Variants in TIAM1 observed in about 807,000 individuals in gnomAD.
TIAM1 encodes the protein rho guanine nucleotide exchange factor TIAM1.
TIAM1 carries 65 observed loss-of-function variants against 163.5 expected under a neutral mutation model. The observed-to-expected ratio is 0.40, with a 90% CI of 0.33 to 0.49. The LOEUF (loss-of-function observed/expected upper bound fraction) is 0.49. TIAM1 is among the 20% of genes least tolerant of loss of function. The probability of loss-of-function intolerance (pLI) is 0.77; values close to 1 mark genes in which losing one functional copy is unlikely to be tolerated. For synonymous variants in TIAM1, 833 were observed against 810.1 expected, an observed-to-expected ratio of 1.03 and a Z score of -0.48; for missense variants, 1,789 against 2,044.7, an observed-to-expected ratio of 0.87 and a Z score of 2.41.
At chr21:31,237,751 C>T in intron 6 of TIAM1, among the ~76,000 whole-genome samples, 1 of 152,032 alleles carries the variant, frequency 6.6e-6, no homozygotes, top group Non-Finnish European at 1.5e-5. Context: ...TTCTTATTTG[C>T]CTGGTAGCTG....
At chr21:31,294,354 A>G (rs533979432) in intron 2 of TIAM1, among the ~76,000 whole-genome samples, 3 of 152,304 alleles carry the variant, frequency 2.0e-5, no homozygotes, top group Admixed American at 2.0e-4. Flanking sequence ...TTCTGAAAAT[A>G]CCCATCTAGA....
At chr21:31,256,804 TA>T (rs1254980473) in intron 4 of TIAM1, among the ~76,000 whole-genome samples, 1 of 152,194 alleles carries the variant, frequency 6.6e-6, no homozygotes, top group Non-Finnish European at 1.5e-5. Context: ...AGACACTGTA[TA>T]AGACACTGTG....
chr21:31,493,468 C>A (rs1325528992), intron 1 of TIAM1, among the ~76,000 whole-genome samples: 4 of 152,166 alleles, frequency 2.6e-5, no homozygotes, highest in Admixed American at 2.6e-4. Flanking sequence ...ATTAGGTAGA[C>A]TGGCATTTTC....
intron 12 of TIAM1, 110 bp downstream of exon 12, chr21:31,202,798 C>T: frequency 9.8e-7 from 1 of 1,020,114 alleles, no homozygotes; most frequent in Non-Finnish European, 1.5e-6. Context: ...GAATGAAGCT[C>T]ATTTATTTTT....
intron 2 of TIAM1, among the ~76,000 whole-genome samples, chr21:31,330,877 A>G (rs966224216): frequency 6.6e-6 from 1 of 152,166 alleles, no homozygotes; most frequent in African/African-American, 2.4e-5. Context: ...TGTTAGTTTT[A>G]TATACACATG....
chr21:31,277,901 G>A (rs2073371806), intron 2 of TIAM1, among the ~76,000 whole-genome samples: 1 of 152,128 alleles, frequency 6.6e-6, no homozygotes, highest in South Asian at 2.1e-4. Context: ...TAAAATGACA[G>A]GCTTAAATCA....
At chr21:31,490,570 C>T (rs1365247634) in intron 1 of TIAM1, among the ~76,000 whole-genome samples, 1 of 152,250 alleles carries the variant, frequency 6.6e-6, no homozygotes, top group African/African-American at 2.4e-5. Flanking sequence ...CCGCCGCTGC[C>T]CAGCCCCAGC....
At chr21:31,221,050 G>GA (rs1056928372) in intron 8 of TIAM1, among the ~76,000 whole-genome samples, 1 of 151,410 alleles carries the variant, frequency 6.6e-6, no homozygotes, top group Non-Finnish European at 1.5e-5. Flanking sequence ...CTAAAAAGAA[G>GA]AAAAAAAATT....
At chr21:31,481,036 T>G (rs997243845) in intron 1 of TIAM1, among the ~76,000 whole-genome samples, 1 of 152,194 alleles carries the variant, frequency 6.6e-6, no homozygotes, top group South Asian at 2.1e-4. Context: ...ATTACAGGCA[T>G]GAACCACTGC....
intron 7 of TIAM1, among the ~76,000 whole-genome samples, chr21:31,225,372 A>T (rs2087890671): frequency 6.6e-6 from 1 of 152,186 alleles, no homozygotes; most frequent in Admixed American, 6.5e-5. Flanking sequence ...GTCAGAAATG[A>T]GTCCCCACCA....
At chr21:31,167,955 C>T (rs1035874946) in intron 15 of TIAM1, among the ~76,000 whole-genome samples, 3 of 152,078 alleles carry the variant, frequency 2.0e-5, no homozygotes, top group Admixed American at 6.5e-5. Flanking sequence ...CTACACCCCT[C>T]AGTCTAAAAA....
chr21:31,243,316 A>T (rs1169915191), intron 6 of TIAM1, among the ~76,000 whole-genome samples: 1 of 150,004 alleles, frequency 6.7e-6, no homozygotes, highest in Non-Finnish European at 1.5e-5. Flanking sequence ...TTGAGTTGGA[A>T]GAAAAAAGAA....
At chr21:31,523,322 C>A (rs1344474925) in intron 1 of TIAM1, among the ~76,000 whole-genome samples, 2 of 152,124 alleles carry the variant, frequency 1.3e-5, no homozygotes. Context: ...CTAAGCAGTG[C>A]AATTAAGAAA....
At chr21:31,442,238 T>TG (rs2044461929) in intron 2 of TIAM1, among the ~76,000 whole-genome samples, 1 of 145,190 alleles carries the variant, frequency 6.9e-6, no homozygotes, top group African/African-American at 2.5e-5. Flanking sequence ...GGGAGTTTTT[T>TG]TTTTTTTTTT....
At chr21:31,253,203 TAAGA>T (rs1001213836) in intron 4 of TIAM1, among the ~76,000 whole-genome samples, 2 of 152,330 alleles carry the variant, frequency 1.3e-5, no homozygotes, top group African/African-American at 4.8e-5. Context: ...GTCTTATGCA[TAAGA>T]AAGGAGCCTA....
At chr21:31,200,994 CAGACTAAAG>C (rs1447786098) in intron 12 of TIAM1, among the ~76,000 whole-genome samples, 1 of 152,108 alleles carries the variant, frequency 6.6e-6, no homozygotes, top group Non-Finnish European at 1.5e-5. Context: ...TAGATCCAAA[CAGACTAAAG>C]AGACCACACA....
Position 31,266,497 on chromosome 21 carries a change from A to T in TIAM1, c.476T>A (p.Phe159Tyr), listed in dbSNP as rs1411352180. ...CTTCTTAAAGCTCGCCGTCTCCATG[A>T]AAGTGGGCCCATTGGATGTATAGGA... ...QHSYTSNGPT[F>Y]METASFKKKR... The change falls in exon 4 of 28, where the codon TTC becomes TAC. Residue 159 changes from phenylalanine (F) to tyrosine (Y), a missense_variant. Phe to Tyr is a conservative substitution (Grantham distance 22). Transcript: ENST00000541036. 6.2e-7 allele frequency: 1 copy of T among 1,614,188 alleles called. No homozygotes were observed. Among genetic ancestry groups the T allele is most frequent in the South Asian group, 1.1e-5 (1 of 91,088 alleles).
At position 31,195,252 on chromosome 21, in the gene TIAM1, C is replaced by T; in HGVS notation, c.2547G>A (p.Glu849=). The change falls in exon 13 of 28, where the codon GAG becomes GAA. Residue 849 remains glutamate, a synonymous_variant. Coordinates refer to ENST00000541036, the MANE Select transcript of TIAM1 (RefSeq NM_001353694.2). Reference sequence around the variant, plus strand: ...AAGTATCAGCAGCTGTATCTGACTTCTCAATGTGGATGCTCTGAGTGACTT... The same window carrying T: ...AAGTATCAGCAGCTGTATCTGACTTTTCAATGTGGATGCTCTGAGTGACTT... The part of the protein sequence containing the change: ...CPKVTQSIHI[E]KSDTAADTYG... 6.2e-7 allele frequency: 1 copy of T among 1,613,680 alleles called. No homozygotes were observed. Among genetic ancestry groups the T allele is most frequent in the African/African-American group, 1.3e-5 (1 of 75,036 alleles).
chr21:31,533,637 G>A (rs1436305787), intron 1 of TIAM1, among the ~76,000 whole-genome samples: 4 of 152,264 alleles, frequency 2.6e-5, no homozygotes, highest in Non-Finnish European at 5.9e-5. Flanking sequence ...GGAGGCTGAG[G>A]TGGCAGGATC....
Sources: gnomAD v4.1 joint callset for allele counts (sites outside exome capture counted in the v4.1 genomes callset) on GRCh38, gnomAD v4.1.1 for gene constraint, MANE v1.5 for transcripts, NCBI Gene and HGNC (gene_info 2026-07-23, HGNC 2026-07-21) for gene names.